PRKAB2: variants seen among roughly 807,000 people sequenced by gnomAD.
PRKAB2 encodes 5'-AMP-activated protein kinase subunit beta-2.
A neutral mutation model predicts 29.8 loss-of-function variants in PRKAB2; 18 were observed. That is an observed-to-expected ratio of 0.60 (90% CI 0.42 to 0.89). The LOEUF (loss-of-function observed/expected upper bound fraction) is 0.89. PRKAB2 is among the 40% of genes least tolerant of loss of function. PRKAB2 has a pLI of 0.00. For synonymous variants in PRKAB2, 136 were observed against 125.9 expected (o/e 1.08, Z -0.54); for missense variants, 270 against 344.3 (o/e 0.78, Z 1.71).
chr1:147,158,663 G>C lies in PRKAB2; in HGVS notation c.*902C>G, dbSNP rs1387065977. ...ACTCCTGCCTTCAGAACTGTTTACTGAGAAAGAAAAGACAGAAGCAGGGCC... is the reference window on the plus strand; with the variant it reads ...ACTCCTGCCTTCAGAACTGTTTACTCAGAAAGAAAAGACAGAAGCAGGGCC... On this transcript the variant is annotated 3_prime_UTR_variant, in exon 8 of 8. Coordinates refer to ENST00000254101, the MANE Select transcript of PRKAB2 (RefSeq NM_005399.5). 1.3e-5 allele frequency: 2 copies of C among 152,170 alleles called. No individual in the cohort carries two copies. Among genetic ancestry groups the C allele is most frequent in the Non-Finnish European group, 2.9e-5 (2 of 68,038 alleles). 9.4% of individuals were successfully genotyped at this position (152,170 alleles called of 1,614,324 possible).
At chr1:147,169,284 A>C (rs1654399693) in intron 2 of PRKAB2, among the ~76,000 whole-genome samples, 3 of 152,210 alleles carry the variant, frequency 2.0e-5, no homozygotes, top group Admixed American at 2.0e-4. Context: ...TCAAAACTAC[A>C]GTATAGCATA....
chr1:147,158,881 C>T lies in PRKAB2; in HGVS notation c.*684G>A, dbSNP rs1340771354. Reference sequence around the variant, plus strand: ...CTAAAAAGGAGACCTTCTGATAGCCCTAGTGTCTGGGGTGGGTCAGGTGCC... The same window carrying T: ...CTAAAAAGGAGACCTTCTGATAGCCTTAGTGTCTGGGGTGGGTCAGGTGCC... On this transcript the variant is annotated 3_prime_UTR_variant, in exon 8 of 8. Coordinates refer to ENST00000254101, the MANE Select transcript of PRKAB2 (RefSeq NM_005399.5). 11 of 152,286 alleles carry T rather than the reference C, an allele frequency of 7.2e-5. 3 individuals carry two copies. Among genetic ancestry groups the T allele is most frequent in the Admixed American group, 5.2e-4 (8 of 15,292 alleles). 9.4% of individuals were successfully genotyped at this position (152,286 alleles called of 1,614,324 possible).
rs1289420213 is a variant in PRKAB2, at chr1:147,158,139, G to GA, written c.*1425dup. 7 of 151,984 alleles carry GA rather than the reference G, an allele frequency of 4.6e-5. No individual in the cohort carries two copies. 9.4% of individuals were successfully genotyped at this position (151,984 alleles called of 1,614,324 possible). A position where few individuals can be genotyped will look rare whatever the true frequency, so the allele number is the denominator to read the frequency against. ...AAATGGAAGAGCCCCAGCTACTTGG[G>GA]AAAAAATGTTTTATCTCTGAACCCC... On this transcript the variant is annotated 3_prime_UTR_variant, in exon 8 of 8. Coordinates refer to ENST00000254101, the MANE Select transcript of PRKAB2 (RefSeq NM_005399.5).
chr1:147,160,994 G>C (rs989119411), intron 7 of PRKAB2, among the ~76,000 whole-genome samples: 3 of 151,888 alleles, frequency 2.0e-5, no homozygotes, highest in African/African-American at 7.3e-5. Flanking sequence ...AAAAATTATA[G>C]GGCCCATCCT....
intron 5 of PRKAB2, among the ~76,000 whole-genome samples, chr1:147,164,560 T>G (rs1553913448): frequency 6.6e-6 from 1 of 152,208 alleles, no homozygotes; most frequent in East Asian, 1.9e-4. Flanking sequence ...CTTGAAACCT[T>G]ACAAAGTATT....
At chr1:147,165,852 A>G (rs995701435) in intron 5 of PRKAB2, among the ~76,000 whole-genome samples, 10 of 151,994 alleles carry the variant, frequency 6.6e-5, no homozygotes, top group Non-Finnish European at 1.5e-4. Flanking sequence ...GGCTGGAGTG[A>G]GGAGGCTCAA....
chr1:147,161,763 G>A lies in PRKAB2; in HGVS notation c.690C>T (p.Leu230=). 6.2e-7 allele frequency: 1 copy of A among 1,612,122 alleles called. No individual in the cohort carries two copies. The highest frequency in any genetic ancestry group is 8.5e-7 in the Non-Finnish European group (1 of 1,178,726). The stretch of plus-strand genomic sequence containing the variant: ...TCAGCATAACATGGTTGGGCTCAGG[G>A]AGTAAGGCTGGGTCACACTAAGAGA... ...DTNISCDPAL[L]PEPNHVMLNH... The change falls in exon 7 of 8, where the codon CTC becomes CTT. Residue 230 remains leucine (L), a synonymous_variant. Coordinates refer to ENST00000254101, the MANE Select transcript of PRKAB2 (RefSeq NM_005399.5).
rs1297526017 is a variant in PRKAB2 at position 147,156,059 on chromosome 1, G to C, written c.*3506C>G. The C allele has an allele frequency of 6.6e-6, 1 of 152,320 alleles. No homozygotes were observed. Among genetic ancestry groups the C allele is most frequent in the Non-Finnish European group, 1.5e-5 (1 of 68,012 alleles). The allele number at this position is 152,320 out of a possible 1,614,324, so 9.4% of individuals were successfully genotyped here. A position where few individuals can be genotyped will look rare whatever the true frequency, so the allele number is the denominator to read the frequency against. On this transcript the variant is annotated 3_prime_UTR_variant, in exon 8 of 8. Coordinates refer to ENST00000254101, the MANE Select transcript of PRKAB2 (RefSeq NM_005399.5). The stretch of plus-strand genomic sequence containing the variant: ...ACCCCTCCCAGGTCCTGCATTCCAT[G>C]GGTAACTGGAGTCAGCAGCCCCTGG...
Position 147,171,969 on chromosome 1 carries a change from T to C in PRKAB2, c.156+20A>G. 6.3e-7 allele frequency: 1 copy of C among 1,594,458 alleles called. No individual in the cohort carries two copies. ...AACCCGCTGCAGTACTGACACCAAC[T>C]GCGGGCATGGGACGCTTACCTTGGA... On this transcript the variant is annotated intron_variant, in intron 2 of 7. Transcript: ENST00000254101.
At chr1:147,168,840 C>T (rs1654378521) in intron 2 of PRKAB2, among the ~76,000 whole-genome samples, 1 of 152,162 alleles carries the variant, frequency 6.6e-6, no homozygotes, top group African/African-American at 2.4e-5. Context: ...TGCTCTGTCA[C>T]CCAGGCTGGA....
chr1:147,168,027 C>CCTG, intron 2 of PRKAB2, 94 bp from the exon 3 acceptor site: 2 of 1,360,374 alleles, frequency 1.5e-6, no homozygotes, highest in South Asian at 1.6e-5. Flanking sequence ...GGGTGCTAGG[C>CCTG]TTTGGCTAAG....
intron 7 of PRKAB2, among the ~76,000 whole-genome samples, chr1:147,160,141 T>C (rs6680845): frequency 0.57 from 87,350 of 151,986 alleles, 27,966 homozygotes; most frequent in East Asian, 0.86. Context: ...GGTCTAATTT[T>C]CATTTAAAAC....
intron 2 of PRKAB2, 96 bp downstream of exon 2, chr1:147,171,893 G>A: frequency 2.7e-6 from 4 of 1,478,046 alleles, no homozygotes; most frequent in Non-Finnish European, 3.7e-6. Context: ...ACCATAGCCC[G>A]GTTCGGCGCG....
Position 147,172,073 on chromosome 1 carries a change from T to A in PRKAB2, c.72A>T (p.Ala24=). The part of the protein sequence containing the change: ...HGAKAARSEG[A]GGHAPGKEHK... Reference sequence around the variant, plus strand: ...GCTCCTTCCCCGGGGCATGGCCGCCTGCGCCCTCGGAGCGTGCAGCCTTGG... The same window carrying A: ...GCTCCTTCCCCGGGGCATGGCCGCCAGCGCCCTCGGAGCGTGCAGCCTTGG... The change falls in exon 2 of 8, where the codon GCA becomes GCT. Residue 24 remains alanine (A), a synonymous_variant. Coordinates refer to ENST00000254101, the MANE Select transcript of PRKAB2 (RefSeq NM_005399.5). 1 of 1,572,478 alleles carries A rather than the reference T, an allele frequency of 6.4e-7. No individual in the cohort carries two copies. Among genetic ancestry groups the A allele is most frequent in the Non-Finnish European group, 8.6e-7 (1 of 1,159,724 alleles).
At chr1:147,166,392 C>G in intron 5 of PRKAB2, 106 bp downstream of exon 5, 1 of 1,246,466 alleles carries the variant, frequency 8.0e-7, no homozygotes, top group South Asian at 1.7e-5. Context: ...CTCCCCCCAA[C>G]CCCCTGCTCT....
chr1:147,161,782 TAAGAGA>T lies in PRKAB2; in HGVS notation c.673-8_673-3del, dbSNP rs782450032. 6.9e-6 allele frequency: 11 copies of T among 1,600,826 alleles called. No individual in the cohort carries two copies. The highest frequency in any genetic ancestry group is 9.4e-6 in the Non-Finnish European group (11 of 1,174,238). On this transcript the variant is annotated splice_region_variant and splice_polypyrimidine_tract_variant and intron_variant, in intron 6 of 7. Coordinates refer to ENST00000254101, the MANE Select transcript of PRKAB2 (RefSeq NM_005399.5). The stretch of plus-strand genomic sequence containing the variant: ...CTCAGGGAGTAAGGCTGGGTCACAC[TAAGAGA>T]AAGAGAAAAAAATTACTAAAAAAAT...
Position 147,159,431 on chromosome 1 carries a change from C to T in PRKAB2, c.*134G>A. On this transcript the variant is annotated 3_prime_UTR_variant, in exon 8 of 8. Transcript: ENST00000254101. Reference sequence around the variant, plus strand: ...GCAATCAAATGCAAAAGCAGAGCATCCTACTCAGAGGCTCTGAAACACACA... The same window carrying T: ...GCAATCAAATGCAAAAGCAGAGCATTCTACTCAGAGGCTCTGAAACACACA... 1 of 676,584 alleles carries T rather than the reference C, an allele frequency of 1.5e-6. No individual in the cohort carries two copies. The highest frequency in any genetic ancestry group is 2.5e-6 in the Non-Finnish European group (1 of 397,832). 41.9% of individuals were successfully genotyped at this position (676,584 alleles called of 1,614,324 possible).
intron 6 of PRKAB2, 126 bp downstream of exon 6, chr1:147,162,314 T>G: frequency 1.1e-6 from 1 of 915,456 alleles, no homozygotes; most frequent in Non-Finnish European, 1.6e-6. Flanking sequence ...TGTAATGTTA[T>G]TGGTATGTGT....
At chr1:147,170,781 C>T (rs113760286) in intron 2 of PRKAB2, among the ~76,000 whole-genome samples, 29,350 of 152,058 alleles carry the variant, frequency 0.19, 3,509 homozygotes, top group East Asian at 0.57. Context: ...GGGGTTTCAC[C>T]ATGTTGGTCA....
Sources: allele counts gnomAD v4.1 joint callset (sites outside exome capture counted in the v4.1 genomes callset), GRCh38; gene constraint gnomAD v4.1.1; transcripts MANE v1.5; gene names NCBI Gene and HGNC (gene_info 2026-07-23, HGNC 2026-07-21).